The following SI variants were observed in gnomAD, a reference collection of about 807,000 sequenced individuals.
SI encodes the protein sucrase-isomaltase, also known as sucrase-isomaltase, intestinal.
A neutral mutation model predicts 253.3 loss-of-function variants in SI; 235 were observed. That is an observed-to-expected ratio of 0.93 (90% confidence interval 0.83 to 1.03). SI has a LOEUF of 1.03. Ranked by LOEUF, SI falls within the 50% of genes least tolerant of loss-of-function variation. The pLI is 0.00. For synonymous variants in SI, 819 were observed against 712.0 expected (o/e 1.15, Z -2.39); for missense variants, 2,442 against 2,211.1 (o/e 1.10, Z -2.09).
At position 165,055,761 on chromosome 3, in the gene SI, C is replaced by G. The variant is rs534141120; in HGVS notation, c.1399-454G>C. On this transcript the variant is annotated intron_variant, in intron 12 of 47. Transcript: ENST00000264382. ...ACATGAATATGATACATACTGGGCACTATTTCAAGTACTTTCATAATTACT... is the reference window on the plus strand; with the variant it reads ...ACATGAATATGATACATACTGGGCAGTATTTCAAGTACTTTCATAATTACT... Among the ~76,000 whole-genome samples the G allele has an allele frequency of 5.9e-5, 9 of 152,104 alleles. No individual in the cohort carries two copies. The East Asian group carries it at 1.5e-3, about 26-fold the overall frequency.
intron 28 of SI, 24 bp downstream of exon 28, chr3:165,019,578 G>A: frequency 1.2e-6 from 2 of 1,607,904 alleles, no homozygotes; most frequent in Non-Finnish European, 1.7e-6. Context: ...TTGCCTCGTG[G>A]AGTGGTCATA....
intron 12 of SI, among the ~76,000 whole-genome samples, chr3:165,056,614 A>T (rs188900709): frequency 6.6e-5 from 10 of 152,224 alleles, no homozygotes; most frequent in Non-Finnish European, 1.2e-4. Flanking sequence ...AAGGGAGAGC[A>T]AAGTGATTGT....
chr3:164,986,615 T>A (rs141356437), intron 45 of SI, among the ~76,000 whole-genome samples: 41 of 152,320 alleles, frequency 2.7e-4, no homozygotes, highest in African/African-American at 8.7e-4. Context: ...TGGGCCTTTA[T>A]TCTGAAGGTT....
At chr3:165,074,816 A>G (rs1714843645) in intron 2 of SI, 149 bp from the exon 3 acceptor site, 6 of 627,272 alleles carry the variant, frequency 9.6e-6, no homozygotes, top group Admixed American at 5.4e-5. Flanking sequence ...AAGACCCACA[A>G]TTTCAAGCAC....
intron 25 of SI, among the ~76,000 whole-genome samples, chr3:165,030,434 A>G (rs1712169796): frequency 6.6e-6 from 1 of 151,004 alleles, no homozygotes; most frequent in South Asian, 2.1e-4. Context: ...TGTAACTCTC[A>G]GACAGAGTAT....
chr3:165,055,066 A>G, intron 13 of SI, 128 bp downstream of exon 13: 1 of 629,506 alleles, frequency 1.6e-6, no homozygotes, highest in South Asian at 1.9e-5. Context: ...CTGGGAAAAA[A>G]CATTATAGTA....
chr3:165,007,004 A>G (rs998359553), intron 36 of SI, 50 bp from the exon 37 acceptor site: 7 of 1,283,700 alleles, frequency 5.5e-6, no homozygotes, highest in South Asian at 3.8e-5. Context: ...GTGCCCTACA[A>G]TGAAACGTGT....
Position 164,978,909 on chromosome 3 carries a change from T to C in SI, c.*453A>G, listed in dbSNP as rs962304207. On this transcript the variant is annotated 3_prime_UTR_variant, in exon 48 of 48. Coordinates refer to ENST00000264382, the MANE Select transcript of SI (RefSeq NM_001041.4). ...AAATGCACATTTTATACACTTACAT[T>C]TTTTATTCTCTTTTTCTAATTAAAT... The C allele has an allele frequency of 3.3e-5, 5 of 153,088 alleles. No homozygotes were observed. Among genetic ancestry groups the C allele is most frequent in the African/African-American group, 4.8e-5 (2 of 41,414 alleles). 9.5% of individuals were successfully genotyped at this position (153,088 alleles called of 1,614,324 possible).
rs778084451 is a variant in SI at position 164,982,331 on chromosome 3, C to G, written c.5327G>C (p.Gly1776Ala). 6 of 1,612,316 alleles carry G rather than the reference C, an allele frequency of 3.7e-6. No individual in the cohort carries two copies. Among genetic ancestry groups the G allele is most frequent in the Non-Finnish European group, 5.1e-6 (6 of 1,178,928 alleles). The change falls in exon 47 of 48, where the codon GGG becomes GCG. Residue 1776 changes from glycine to alanine, a missense_variant. Transcript: ENST00000264382. ...ETRLGSLHVWGKGTTPVNAVT... is the reference protein window; with the variant it reads ...ETRLGSLHVWAKGTTPVNAVT... ...TGCATTGACAGGAGTAGTTCCTTTC[C>G]CCCATACATGAAGGGATCCAAGCCT... is the stretch of plus-strand genomic sequence containing the variant.
chr3:165,067,897 A>T (rs1289783755), intron 5 of SI, among the ~76,000 whole-genome samples: 1 of 151,798 alleles, frequency 6.6e-6, no homozygotes, highest in Non-Finnish European at 1.5e-5. Flanking sequence ...AATTTTGTTT[A>T]AAAAAATTAT....
At chr3:165,020,150 T>C (rs1329125443) in intron 27 of SI, among the ~76,000 whole-genome samples, 1 of 151,670 alleles carries the variant, frequency 6.6e-6, no homozygotes, top group East Asian at 1.9e-4. Flanking sequence ...TCACAATACA[T>C]TTTTTTCTAC....
intron 45 of SI, 104 bp from the exon 46 acceptor site, chr3:164,983,155 A>G: frequency 1.8e-6 from 2 of 1,124,838 alleles, no homozygotes; most frequent in South Asian, 1.4e-5. Flanking sequence ...AAAGTAGCAA[A>G]TATTATCAAG....
At chr3:165,021,600 TA>T (rs1327544680) in intron 26 of SI, among the ~76,000 whole-genome samples, 2 of 151,594 alleles carry the variant, frequency 1.3e-5, no homozygotes, top group Non-Finnish European at 3.0e-5. Context: ...TTTGAACCTT[TA>T]AAAAATGTTT....
At position 165,039,907 on chromosome 3, in the gene SI, T is replaced by C. The variant is rs1279404818; in HGVS notation, c.2224A>G (p.Ile742Val). ...TEFLWGPALL[I>V]TPVLKQGADT... ...CCTACCTGTTTTAGAACAGGAGTAA[T>C]AAGTAATGCAGGGCCCCACAAAAAC... The change falls in exon 19 of 48, where the codon ATT (isoleucine) becomes GTT (valine). Residue 742 changes from isoleucine to valine, a missense_variant. Coordinates refer to ENST00000264382, the MANE Select transcript of SI (RefSeq NM_001041.4). 6.2e-7 allele frequency: 1 copy of C among 1,612,706 alleles called. No individual in the cohort carries two copies. Among genetic ancestry groups the C allele is most frequent in the Non-Finnish European group, 8.5e-7 (1 of 1,179,070 alleles).
In SI at chr3:165,046,953, G is replaced by A. The variant is rs1576907581; in HGVS notation, c.1775C>T (p.Ala592Val). The change falls in exon 16 of 48, where the codon GCT (alanine) becomes GTT (valine). Residue 592 changes from alanine (A) to valine (V), a missense_variant. Coordinates refer to ENST00000264382, the MANE Select transcript of SI (RefSeq NM_001041.4). ...RSFILTRSTF[A>V]GSGRHAAHWL... The stretch of plus-strand genomic sequence containing the variant: ...ATGCGCAGCATGTCTTCCAGATCCA[G>A]CAAATGTTGAGCGGGTAAGAATGAA... The A allele has an allele frequency of 6.2e-7, 1 of 1,612,194 alleles. No individual in the cohort carries two copies. The highest frequency in any genetic ancestry group is 1.7e-5 in the Admixed American group (1 of 59,896).
intron 16 of SI, among the ~76,000 whole-genome samples, chr3:165,044,714 T>C (rs971766535): frequency 2.6e-5 from 4 of 152,032 alleles, no homozygotes; most frequent in Non-Finnish European, 4.4e-5. Context: ...TTTTTAACTT[T>C]TCAAATGTTC....
intron 5 of SI, 58 bp from the exon 6 acceptor site, chr3:165,067,549 AG>A: frequency 7.0e-7 from 1 of 1,429,752 alleles, no homozygotes; most frequent in Non-Finnish European, 9.8e-7. Context: ...TTAATATTCC[AG>A]TTCTGAATTA....
At position 165,018,199 on chromosome 3, in the gene SI, T is replaced by C. The variant is rs889084956; in HGVS notation, c.3424-133A>G. 6.2e-6 allele frequency: 4 copies of C among 642,158 alleles called. No homozygotes were observed. In the African/African-American group the frequency reaches 7.3e-5, roughly 12 times the overall value. The allele number at this position is 642,158 out of a possible 1,614,324, so 39.8% of individuals were successfully genotyped here. ...CCCGTTTCCCAACCTTAAACTATGC[T>C]TCAGTTAAAATAAATGTGTCTCCCT... On this transcript the variant is annotated intron_variant, in intron 28 of 47. Transcript: ENST00000264382.
chr3:165,069,075 T>C lies in SI; in HGVS notation c.373+3A>G. ...TGAATCATTATAACAGAGGACTTCT[T>C]ACCAATACTTGTTGTTGTCATGTCT... On this transcript the variant is annotated splice_donor_region_variant and intron_variant, in intron 4 of 47. Transcript: ENST00000264382. 6.3e-7 allele frequency: 1 copy of C among 1,581,580 alleles called. No individual in the cohort carries two copies.
Sources: gnomAD v4.1 joint callset for allele counts (sites outside exome capture counted in the v4.1 genomes callset) on GRCh38, gnomAD v4.1.1 for gene constraint, MANE v1.5 for transcripts, NCBI Gene and HGNC (gene_info 2026-07-23, HGNC 2026-07-21) for gene names.